The following YBEY variants were observed in gnomAD, a reference collection of about 807,000 sequenced individuals.
YBEY encodes ybeY metalloendoribonuclease, also known as endoribonuclease YbeY.
Under a neutral mutation model 13.5 loss-of-function variants are expected in YBEY, and 15 were observed. The ratio of observed to expected loss-of-function variants is 1.11; its 90% CI spans 0.75 to 1.72. The LOEUF (loss-of-function observed/expected upper bound fraction) is 1.72, where lower values mean the gene tolerates loss of function less well. Among genes scored for constraint, YBEY ranks in the 40% most tolerant of loss-of-function variants. The pLI is 0.00. For missense variants in YBEY, 244 were observed against 208.4 expected, an observed-to-expected ratio of 1.17 and a Z score of -1.05; for synonymous variants, 101 against 83.1, an observed-to-expected ratio of 1.21 and a Z score of -1.17.
At position 46,291,402 on chromosome 21, in the gene YBEY, A is replaced by G. The variant is rs1270766267; in HGVS notation, c.279A>G (p.Leu93=). ...ACTACAATTTGGGAGACATTTTCCT[A>G]GGAGTGGAGTATATCTTCCATCAGT... ...PDDYNLGDIF[L]GVEYIFHQCK... is the part of the protein sequence containing the mutation. The change falls in exon 3 of 5, where the codon CTA becomes CTG. Residue 93 remains leucine (L), a synonymous_variant. Transcript: ENST00000397701. 1.2e-6 allele frequency: 2 copies of G among 1,614,102 alleles called. No individual in the cohort carries two copies. Among genetic ancestry groups the G allele is most frequent in the Non-Finnish European group, 1.7e-6 (2 of 1,180,018 alleles).
chr21:46,297,077 T>C (rs1437826027), intron 4 of YBEY, among the ~76,000 whole-genome samples: 1 of 151,972 alleles, frequency 6.6e-6, no homozygotes, highest in Non-Finnish European at 1.5e-5. Context: ...GGAGGGTGGA[T>C]CACTTGAGGT....
At chr21:46,301,565 C>G, downstream of YBEY, 1 of 992,666 alleles carries the variant, frequency 1.0e-6, no homozygotes, top group Non-Finnish European at 1.2e-6. Flanking sequence ...AGCTATTGAT[C>G]TTTTCTGTTC....
chr21:46,307,089 T>G, the YBEY span, among the ~76,000 whole-genome samples: 1 of 151,748 alleles, frequency 6.6e-6, no homozygotes, highest in African/African-American at 2.4e-5. Context: ...AGACACGGGA[T>G]TTCACCATGT....
At chr21:46,294,857 C>T (rs1445640413) in intron 3 of YBEY, among the ~76,000 whole-genome samples, 1 of 152,216 alleles carries the variant, frequency 6.6e-6, no homozygotes, top group Non-Finnish European at 1.5e-5. Context: ...TGCCCTGAAT[C>T]GCCCTTGTGG....
downstream of YBEY, chr21:46,301,961 G>A (rs1048621519): frequency 2.0e-6 from 3 of 1,479,374 alleles, no homozygotes; most frequent in African/African-American, 4.3e-5. Flanking sequence ...AAGCCTGGGG[G>A]TGGAGGGTGC....
At chr21:46,297,988 T>C (rs1393799954), downstream of YBEY, among the ~76,000 whole-genome samples, 1 of 91,632 alleles carries the variant, frequency 1.1e-5, no homozygotes, top group South Asian at 3.2e-4. Context: ...CAGTATTTCC[T>C]GCTTTTACCT....
the YBEY span, among the ~76,000 whole-genome samples, chr21:46,305,756 G>A: frequency 6.6e-6 from 1 of 151,720 alleles, no homozygotes; most frequent in South Asian, 2.1e-4. Flanking sequence ...TGGCTAACAC[G>A]GTGAAACCCC....
intron 3 of YBEY, among the ~76,000 whole-genome samples, chr21:46,293,424 G>A (rs1359689495): frequency 5.9e-4 from 19 of 32,166 alleles, no homozygotes; most frequent in Non-Finnish European, 6.0e-4. Flanking sequence ...CCGTGCCCGG[G>A]ACTCAGTGGA....
chr21:46,310,546 C>T, the YBEY span, among the ~76,000 whole-genome samples: 5 of 150,298 alleles, frequency 3.3e-5, no homozygotes, highest in African/African-American at 4.9e-5. Flanking sequence ...CAGTGGCAAA[C>T]GCCTATAATC....
chr21:46,295,574 G>A (rs1020473223), intron 3 of YBEY, among the ~76,000 whole-genome samples: 1 of 151,782 alleles, frequency 6.6e-6, no homozygotes, highest in African/African-American at 2.4e-5. Flanking sequence ...CTCTCCAGGG[G>A]GACATGGCGA....
chr21:46,288,397 G>C (rs2081553697), intron 2 of YBEY, among the ~76,000 whole-genome samples: 1 of 152,200 alleles, frequency 6.6e-6, no homozygotes. Flanking sequence ...GGCAGAAGAG[G>C]CCGGGTGCAG....
downstream of YBEY, chr21:46,301,818 C>A: frequency 7.9e-7 from 1 of 1,262,178 alleles, no homozygotes; most frequent in East Asian, 3.1e-5. Context: ...GGAATGGCCC[C>A]GTGACCAGAA....
intron 3 of YBEY, among the ~76,000 whole-genome samples, chr21:46,293,214 A>T (rs369771685): frequency 2.6e-5 from 2 of 76,344 alleles, no homozygotes; most frequent in African/African-American, 8.4e-5. Flanking sequence ...CTCAGTGGGG[A>T]CAGCCACGCA....
intron 3 of YBEY, 91 bp from the exon 4 acceptor site, chr21:46,296,071 T>TA: frequency 7.0e-7 from 1 of 1,428,054 alleles, no homozygotes; most frequent in African/African-American, 1.4e-5. Flanking sequence ...TGCAGCCACA[T>TA]ACCAAGAGCA....
chr21:46,308,262 A>C, the YBEY span, among the ~76,000 whole-genome samples: 1 of 152,096 alleles, frequency 6.6e-6, no homozygotes, highest in South Asian at 2.1e-4. Context: ...GGAGTTCGAG[A>C]CCAGCCTGGC....
Position 46,286,947 on chromosome 21 carries a change from AT to A in YBEY, c.35del (p.Ile12ThrfsTer15), listed in dbSNP as rs746463693. 1 of 1,614,062 alleles carries A rather than the reference AT, an allele frequency of 6.2e-7. No homozygotes were observed. Among genetic ancestry groups the A allele is most frequent in the South Asian group, 1.1e-5 (1 of 91,060 alleles). On this transcript the variant is annotated frameshift_variant, in exon 2 of 5. Coordinates refer to ENST00000397701, the MANE Select transcript of YBEY (RefSeq NM_001314025.2). LOFTEE classifies it high-confidence loss of function. ...SLVIRNLQRV[I>X]PIRRAPLRSK... is the part of the protein sequence containing the mutation. ...GGTGATTAGAAATCTGCAGCGAGTC[AT>A]CCCCATCAGGAGAGCGCCACTTCGC...
chr21:46,286,632 C>CTAA (rs2081445909), intron 1 of YBEY: 1 of 278,026 alleles, frequency 3.6e-6, no homozygotes, highest in African/African-American at 2.2e-5. Context: ...CCCAACCCGC[C>CTAA]CCCTTTTCTC....
chr21:46,289,146 T>G (rs994145230), intron 2 of YBEY, among the ~76,000 whole-genome samples: 1 of 152,216 alleles, frequency 6.6e-6, no homozygotes, highest in Non-Finnish European at 1.5e-5. Context: ...ATAGTCTTTA[T>G]GTGGAAAATG....
At chr21:46,300,748 G>C, downstream of YBEY, 1 of 1,289,196 alleles carries the variant, frequency 7.8e-7, no homozygotes, top group Non-Finnish European at 1.0e-6. Context: ...GAAGCACTGG[G>C]ACAGGGTTCC....
Sources: gnomAD v4.1 joint callset for allele counts (sites outside exome capture counted in the v4.1 genomes callset) on GRCh38, gnomAD v4.1.1 for gene constraint, MANE v1.5 for transcripts, NCBI Gene and HGNC (gene_info 2026-07-23, HGNC 2026-07-21) for gene names.